ACY1: variants seen among roughly 807,000 people sequenced by gnomAD.
The protein encoded by ACY1 is aminoacylase 1.
Under a neutral mutation model 53.3 loss-of-function variants are expected in ACY1, and 38 were observed. The ratio of observed to expected loss-of-function variants is 0.71; its 90% confidence interval spans 0.55 to 0.93. ACY1 has a LOEUF of 0.93. Ranked by LOEUF, ACY1 falls within the 40% of genes least tolerant of loss-of-function variation. The pLI is 0.00. For synonymous variants in ACY1, 177 were observed against 202.1 expected, an observed-to-expected ratio of 0.88 and a Z score of 1.05; for missense variants, 484 against 540.9, an observed-to-expected ratio of 0.89 and a Z score of 1.04.
chr3:51,985,412 A>G lies in ACY1; in HGVS notation c.211A>G (p.Thr71Ala), dbSNP rs199510878. Reference sequence around the variant, plus strand: ...GTTGACCTGGCCAGGCACCAACCCTACACTCTCCTCCATCTTGCTCAACTC... The same window carrying G: ...GTTGACCTGGCCAGGCACCAACCCTGCACTCTCCTCCATCTTGCTCAACTC... ...TVLTWPGTNP[T>A]LSSILLNSHT... The change falls in exon 4 of 15, where the codon ACA becomes GCA. Residue 71 changes from threonine (T) to alanine (A), a missense_variant. Transcript: ENST00000636358. The G allele has an allele frequency of 3.1e-6, 5 of 1,613,990 alleles. No homozygotes were observed. Among genetic ancestry groups the G allele is most frequent in the Admixed American group, 3.3e-5 (2 of 60,006 alleles).
intron 4 of ACY1, 99 bp from the exon 5 acceptor site, chr3:51,985,753 C>T: frequency 9.3e-7 from 1 of 1,073,172 alleles, no homozygotes; most frequent in Non-Finnish European, 1.4e-6. Flanking sequence ...CCTGTCACTC[C>T]AACCCTATGG....
chr3:51,985,914 G>A lies in ACY1; in HGVS notation c.327G>A (p.Arg109=), dbSNP rs773549762. Reference sequence around the variant, plus strand: ...ATTCTGAGGGCTACATCTATGCCAGGGGTGCCCAGGACATGAAGTGCGTCA... The same window carrying A: ...ATTCTGAGGGCTACATCTATGCCAGAGGTGCCCAGGACATGAAGTGCGTCA... The part of the protein sequence containing the change: ...FKDSEGYIYA[R]GAQDMKCVSI... The change falls in exon 5 of 15, where the codon AGG becomes AGA. Residue 109 remains arginine (R), a synonymous_variant. Transcript: ENST00000636358. 47 of 1,613,162 alleles carry A rather than the reference G, an allele frequency of 2.9e-5. No individual in the cohort carries two copies. Among genetic ancestry groups the A allele is most frequent in the Non-Finnish European group, 3.8e-5 (45 of 1,179,604 alleles).
At position 51,984,040 on chromosome 3, in the gene ACY1, C is replaced by A. The variant is rs775524508; in HGVS notation, c.-18-7C>A. 1 of 1,606,610 alleles carries A rather than the reference C, an allele frequency of 6.2e-7. No individual in the cohort carries two copies. On this transcript the variant is annotated splice_polypyrimidine_tract_variant and splice_region_variant and intron_variant, in intron 1 of 14. Transcript: ENST00000636358. ...GAGGGGTAGTTAGCCATTCACTTTG[C>A]CCCCAGCTCACCACGCGCAGCGCCA...
chr3:51,986,458 G>A lies in ACY1; in HGVS notation c.480G>A (p.Gln160=), dbSNP rs1161156881. ...ACCAAGGCATGGAGCTGTTCGTGCA[G>A]CGGCCTGAGTTCCACGCCCTGAGGG... The part of the protein sequence containing the change: ...GGHQGMELFV[Q]RPEFHALRAG... The change falls in exon 7 of 15, where the codon CAG becomes CAA. Residue 160 remains glutamine, a synonymous_variant. Coordinates refer to ENST00000636358, the MANE Select transcript of ACY1 (RefSeq NM_000666.3). The A allele has an allele frequency of 1.2e-6, 2 of 1,613,650 alleles. No individual in the cohort carries two copies. The highest frequency in any genetic ancestry group is 1.7e-6 in the Non-Finnish European group (2 of 1,179,782).
chr3:51,986,228 C>T (rs370858076), intron 5 of ACY1, 27 bp from the exon 6 acceptor site: 1 of 1,612,506 alleles, frequency 6.2e-7, no homozygotes, highest in South Asian at 1.1e-5. Flanking sequence ...TGGTGGCTCC[C>T]CCAGCACCTG....
At chr3:51,988,867 C>G (rs1701168841) in intron 14 of ACY1, 41 bp downstream of exon 14, 1 of 1,614,244 alleles carries the variant, frequency 6.2e-7, no homozygotes, top group Non-Finnish European at 8.5e-7. Context: ...TGGACTGGGC[C>G]TGAGTGCTGG....
chr3:51,986,912 C>A (rs1292663528), intron 8 of ACY1, 76 bp from the exon 9 acceptor site: 5 of 1,512,596 alleles, frequency 3.3e-6, no homozygotes, highest in Middle Eastern at 2.3e-4. Context: ...GAGGGGGAGA[C>A]CTGGGCCCAC....
rs1553725510 is a variant in ACY1 at position 51,986,492 on chromosome 3, G to C, written c.514G>C (p.Ala172Pro). 20 of 1,614,008 alleles carry C rather than the reference G, an allele frequency of 1.2e-5. No homozygotes were observed. The South Asian group carries it at 1.8e-4, about 14-fold the overall frequency. The change falls in exon 7 of 15, where the codon GCC becomes CCC. Residue 172 changes from alanine to proline, a missense_variant. Ala to Pro is a conservative substitution (Grantham distance 27). Transcript: ENST00000636358. ...PEFHALRAGF[A>P]LDEGIANPTD... ...GTTCCACGCCCTGAGGGCAGGCTTT[G>C]CCCTGGATGAGGGTGAGCAGGTTGG...
chr3:51,984,307 T>C (rs1402771238), intron 2 of ACY1, 149 bp downstream of exon 2: 6 of 733,318 alleles, frequency 8.2e-6, no homozygotes, highest in East Asian at 5.4e-5. Flanking sequence ...CCCAAGTAAA[T>C]AGACTGAGGC....
chr3:51,983,686 T>G, intron 1 of ACY1, 97 bp downstream of exon 1: 1 of 291,622 alleles, frequency 3.4e-6, no homozygotes, highest in Non-Finnish European at 6.5e-6. Flanking sequence ...GTTTTTTGTT[T>G]TTGTTTTTGC....
chr3:51,987,539 C>CATGG lies in ACY1; in HGVS notation c.853-17_853-16insATGG, dbSNP rs765817209. The CATGG allele has an allele frequency of 6.8e-6, 11 of 1,614,002 alleles. No homozygotes were observed. The highest frequency in any genetic ancestry group is 8.5e-6 in the Non-Finnish European group (10 of 1,179,972). ...CTCTGGAAAGCCTGAAGGATCAGCT[C>CATGG]GTCTCCCTTCTCTTAGGCTTTTGAG... On this transcript the variant is annotated splice_polypyrimidine_tract_variant and intron_variant, in intron 11 of 14. Coordinates refer to ENST00000636358, the MANE Select transcript of ACY1 (RefSeq NM_000666.3).
At position 51,988,958 on chromosome 3, in the gene ACY1, G is replaced by A. The variant is rs761188096; in HGVS notation, c.1110G>A (p.Val370=). ...LGFSPMNRTP[V]LLHDHDERLH... is the part of the protein sequence containing the mutation. ...TCTCACCCATGAACCGCACACCTGT[G>A]CTGCTGCACGACCACGATGAACGGC... Residue 370 remains valine (V), a synonymous_variant, in exon 15 of 15, where the codon GTG becomes GTA. Coordinates refer to ENST00000636358, the MANE Select transcript of ACY1 (RefSeq NM_000666.3). 26 of 1,614,066 alleles carry A rather than the reference G, an allele frequency of 1.6e-5. No individual in the cohort carries two copies. In the African/African-American group the frequency reaches 3.3e-4, roughly 21 times the overall value.
chr3:51,984,021 T>C (rs776274576), intron 1 of ACY1, 26 bp from the exon 2 acceptor site: 2 of 1,530,826 alleles, frequency 1.3e-6, no homozygotes, highest in Non-Finnish European at 1.8e-6. Flanking sequence ...CTTGGAGGGG[T>C]AGTTAGCCAT....
chr3:51,987,530 G>C (rs765533063), intron 11 of ACY1, 26 bp from the exon 12 acceptor site: 2 of 1,614,042 alleles, frequency 1.2e-6, no homozygotes, highest in Non-Finnish European at 1.7e-6. Context: ...AAAGCCTGAA[G>C]GATCAGCTCG....
Position 51,986,611 on chromosome 3 carries a change from C to T in ACY1, c.533C>T (p.Ala178Val), listed in dbSNP as rs1187559943. 1 of 1,614,158 alleles carries T rather than the reference C, an allele frequency of 6.2e-7. No individual in the cohort carries two copies. The highest frequency in any genetic ancestry group is 8.5e-7 in the Non-Finnish European group (1 of 1,180,018). Reference protein sequence around the residue: ...RAGFALDEGIANPTDAFTVFY... With the variant: ...RAGFALDEGIVNPTDAFTVFY... ...ACCCCCTTTCCCTCCTCAGGCATAG[C>T]CAATCCCACTGATGCCTTCACTGTC... The change falls in exon 8 of 15, where the codon GCC (alanine) becomes GTC (valine). Residue 178 changes from alanine to valine, a missense_variant. By Grantham distance (64) the Ala-to-Val change is moderately conservative. Coordinates refer to ENST00000636358, the MANE Select transcript of ACY1 (RefSeq NM_000666.3).
Position 51,986,597 on chromosome 3 carries a change from C to G in ACY1, c.527-8C>G, listed in dbSNP as rs760992766. 1 of 1,614,196 alleles carries G rather than the reference C, an allele frequency of 6.2e-7. No individual in the cohort carries two copies. Among genetic ancestry groups the G allele is most frequent in the Non-Finnish European group, 8.5e-7 (1 of 1,180,010 alleles). On this transcript the variant is annotated splice_polypyrimidine_tract_variant and splice_region_variant and intron_variant, in intron 7 of 14. Coordinates refer to ENST00000636358, the MANE Select transcript of ACY1 (RefSeq NM_000666.3). Reference sequence around the variant, plus strand: ...GCTCCACCCTCTGAACCCCCTTTCCCTCCTCAGGCATAGCCAATCCCACTG... The same window carrying G: ...GCTCCACCCTCTGAACCCCCTTTCCGTCCTCAGGCATAGCCAATCCCACTG...
chr3:51,988,253 G>T (rs973595919), intron 12 of ACY1: 7 of 564,938 alleles, frequency 1.2e-5, no homozygotes, highest in Non-Finnish European at 2.2e-5. Flanking sequence ...TAGTCTGAGA[G>T]GTCTGGGGGA....
rs121912698 is a variant in ACY1 at position 51,988,821 on chromosome 3, C to T, written c.1057C>T (p.Arg353Cys). The T allele has an allele frequency of 3.5e-3, 5,651 of 1,614,196 alleles. 16 individuals are homozygous for T. The highest frequency in any genetic ancestry group is 4.1e-3 in the Non-Finnish European group (4,836 of 1,180,036). Residue 353 changes from arginine to cysteine, a missense_variant, in exon 14 of 15, where the codon CGC becomes TGC. Arg to Cys is a radical substitution (Grantham distance 180). Transcript: ENST00000636358. ...MPAATDNRYI[R>C]AVGVPALGFS... ...TGCTGCCACTGACAACCGCTATATC[C>T]GCGCGGTGAGCCACTTGCATATAGT...
At chr3:51,988,432 G>C in intron 12 of ACY1, 92 bp from the exon 13 acceptor site, 1 of 1,112,320 alleles carries the variant, frequency 9.0e-7, no homozygotes, top group Non-Finnish European at 1.4e-6. Flanking sequence ...GGGGTGGGGA[G>C]GTGTTATGTA....
Sources: gnomAD v4.1 joint callset for allele counts on GRCh38, gnomAD v4.1.1 for gene constraint, MANE v1.5 for transcripts, NCBI Gene and HGNC (gene_info 2026-07-23, HGNC 2026-07-21) for gene names.